OSBPL8: variants seen among roughly 807,000 people sequenced by gnomAD.
OSBPL8 encodes oxysterol binding protein like 8.
OSBPL8 carries 59 observed loss-of-function variants against 125.5 expected under a neutral mutation model. The ratio of observed to expected loss-of-function variants is 0.47; its 90% CI spans 0.38 to 0.58. OSBPL8 has a LOEUF of 0.58. Ranked by LOEUF, OSBPL8 falls within the 20% of genes least tolerant of loss-of-function variation. The pLI is 0.00. For missense variants in OSBPL8, 758 were observed against 1,047.8 expected (o/e 0.72, Z 3.82); for synonymous variants, 330 against 338.9 (o/e 0.97, Z 0.29).
intron 1 of OSBPL8, among the ~76,000 whole-genome samples, chr12:76,543,010 C>T (rs1484832492): frequency 1.3e-5 from 2 of 152,172 alleles, no homozygotes; most frequent in African/African-American, 2.4e-5. Context: ...CTCCCCTCCC[C>T]GACTAGGTGT....
intron 20 of OSBPL8, 138 bp downstream of exon 20, chr12:76,369,499 A>C: frequency 7.4e-7 from 1 of 1,342,848 alleles, no homozygotes; most frequent in Non-Finnish European, 9.9e-7. Flanking sequence ...TAATGAATGC[A>C]AAACCAAGTT....
intron 2 of OSBPL8, among the ~76,000 whole-genome samples, chr12:76,483,818 G>A (rs1191252302): frequency 1.3e-5 from 2 of 151,342 alleles, no homozygotes; most frequent in African/African-American, 2.4e-5. Context: ...GGGATTACAG[G>A]TGCCCGCCAC....
At chr12:76,551,213 G>T (rs1950926978) in intron 1 of OSBPL8, among the ~76,000 whole-genome samples, 1 of 152,062 alleles carries the variant, frequency 6.6e-6, no homozygotes, top group Non-Finnish European at 1.5e-5. Flanking sequence ...CCCTAAAAGG[G>T]GAAAAAGTTC....
chr12:76,444,607 T>C (rs1246812564), intron 4 of OSBPL8, among the ~76,000 whole-genome samples: 1 of 152,148 alleles, frequency 6.6e-6, no homozygotes, highest in African/African-American at 2.4e-5. Context: ...AAGAGTACAG[T>C]AAAATCAGAC....
intron 5 of OSBPL8, among the ~76,000 whole-genome samples, chr12:76,408,130 G>C (rs1335965952): frequency 7.2e-6 from 1 of 138,386 alleles, no homozygotes; most frequent in Non-Finnish European, 1.6e-5. Context: ...AATATAGTGA[G>C]GCCCTCATCT....
At chr12:76,442,141 TAAAG>T (rs1217536613) in intron 4 of OSBPL8, among the ~76,000 whole-genome samples, 1 of 152,168 alleles carries the variant, frequency 6.6e-6, no homozygotes, top group Non-Finnish European at 1.5e-5. Context: ...TCTGCTTTGT[TAAAG>T]AAACAATTAA....
chr12:76,473,011 C>G (rs1876361857), intron 2 of OSBPL8, among the ~76,000 whole-genome samples: 1 of 152,092 alleles, frequency 6.6e-6, no homozygotes, highest in Non-Finnish European at 1.5e-5. Context: ...AGACCATGGT[C>G]TGCTTGGCAA....
chr12:76,404,564 G>A (rs1382109253), intron 5 of OSBPL8, among the ~76,000 whole-genome samples: 4 of 151,922 alleles, frequency 2.6e-5, no homozygotes, highest in African/African-American at 9.7e-5. Context: ...TCTGCCACCT[G>A]AGACAGCAAG....
chr12:76,394,275 AC>A (rs1219475803), intron 9 of OSBPL8, among the ~76,000 whole-genome samples: 8 of 152,324 alleles, frequency 5.3e-5, no homozygotes, highest in African/African-American at 9.6e-5. Flanking sequence ...ATAAAAAAAA[AC>A]AAAACCAAAA....
At chr12:76,403,248 G>A (rs567280103) in intron 5 of OSBPL8, among the ~76,000 whole-genome samples, 26 of 152,250 alleles carry the variant, frequency 1.7e-4, no homozygotes, top group South Asian at 6.2e-4. Context: ...TATCTAATTC[G>A]TACAGCGTGT....
Position 76,465,387 on chromosome 12 carries a change from C to T in OSBPL8, c.43-5492G>A, listed in dbSNP as rs557522365. 1.4e-3 allele frequency among the ~76,000 whole-genome samples: 219 copies of T among 151,810 alleles called. 2 individuals are homozygous for T. The highest frequency in any genetic ancestry group is 1.9e-3 in the Admixed American group (29 of 15,240). On this transcript the variant is annotated intron_variant, in intron 2 of 23. Transcript: ENST00000261183. ...TTTCCTGGCTAACAAGGTGAAACTC[C>T]GTCTCTACTAAAAATACAAAAAATT...
chr12:76,422,571 G>A (rs1392200913), intron 4 of OSBPL8: 5 of 456,542 alleles, frequency 1.1e-5, no homozygotes, highest in Admixed American at 4.7e-5. Flanking sequence ...ACAAGCTTTC[G>A]GCCATCAATC....
intron 4 of OSBPL8, among the ~76,000 whole-genome samples, chr12:76,448,069 A>G (rs1872928440): frequency 6.6e-6 from 1 of 152,222 alleles, no homozygotes; most frequent in Admixed American, 6.5e-5. Context: ...GTTAGATGTA[A>G]TAAAGGTTTT....
chr12:76,544,045 AG>A (rs2137443835), intron 1 of OSBPL8, among the ~76,000 whole-genome samples: 1 of 152,318 alleles, frequency 6.6e-6, no homozygotes, highest in Admixed American at 6.5e-5. Flanking sequence ...GAAACAGAAC[AG>A]GTGTAACACT....
intron 6 of OSBPL8, among the ~76,000 whole-genome samples, chr12:76,400,189 A>G (rs1370447682): frequency 5.3e-5 from 8 of 152,042 alleles, no homozygotes; most frequent in Non-Finnish European, 1.2e-4. Context: ...GAAAGGCTCC[A>G]GTGTGTGTTG....
chr12:76,492,567 C>T (rs772972936), intron 1 of OSBPL8, among the ~76,000 whole-genome samples: 1 of 152,120 alleles, frequency 6.6e-6, no homozygotes, highest in Non-Finnish European at 1.5e-5. Context: ...TTTGCATTAC[C>T]ACCTGAGCTC....
intron 1 of OSBPL8, among the ~76,000 whole-genome samples, chr12:76,529,594 C>T (rs1285800696): frequency 1.3e-5 from 2 of 151,636 alleles, no homozygotes; most frequent in African/African-American, 4.8e-5. Flanking sequence ...AACAGTAGAT[C>T]TGTATCTGAA....
At chr12:76,509,421 T>C (rs1164036583) in intron 1 of OSBPL8, among the ~76,000 whole-genome samples, 1 of 152,160 alleles carries the variant, frequency 6.6e-6, no homozygotes, top group African/African-American at 2.4e-5. Context: ...AGAGATTATA[T>C]ACATGTGACA....
At chr12:76,501,088 T>C (rs1377002765) in intron 1 of OSBPL8, among the ~76,000 whole-genome samples, 1 of 146,578 alleles carries the variant, frequency 6.8e-6, no homozygotes, top group Admixed American at 6.7e-5. Context: ...TATGTGTGTG[T>C]ATCTTTACAC....
Sources: allele counts gnomAD v4.1 joint callset (sites outside exome capture counted in the v4.1 genomes callset), GRCh38; gene constraint gnomAD v4.1.1; transcripts MANE v1.5; gene names NCBI Gene and HGNC (gene_info 2026-07-23, HGNC 2026-07-21).